The following DLG2 variants were observed in gnomAD, a reference collection of about 807,000 sequenced individuals.
DLG2 encodes discs large MAGUK scaffold protein 2.
A neutral mutation model predicts 132.5 loss-of-function variants in DLG2; 45 were observed. The ratio of observed to expected loss-of-function variants is 0.34; its 90% CI spans 0.27 to 0.44. The LOEUF (loss-of-function observed/expected upper bound fraction) is 0.44, where lower values mean the gene tolerates loss of function less well. Among genes scored for constraint, DLG2 ranks in the 20% least tolerant of loss-of-function variants. DLG2 has a pLI of 1.00. For synonymous variants in DLG2, 424 were observed against 419.6 expected, an observed-to-expected ratio of 1.01 and a Z score of -0.13; for missense variants, 1,045 against 1,196.9, an observed-to-expected ratio of 0.87 and a Z score of 1.87.
At chr11:83,885,317 C>T (rs2154079276) in intron 15 of DLG2, among the ~76,000 whole-genome samples, 1 of 152,130 alleles carries the variant, frequency 6.6e-6, no homozygotes, top group South Asian at 2.1e-4. Context: ...CCTCAGGAGC[C>T]AATGTGATCA....
intron 7 of DLG2, among the ~76,000 whole-genome samples, chr11:84,344,923 TG>T (rs1384158414): frequency 3.3e-5 from 5 of 152,102 alleles, no homozygotes; most frequent in Non-Finnish European, 5.9e-5. Flanking sequence ...GTAAAACACA[TG>T]ATATTTCTTT....
intron 7 of DLG2, among the ~76,000 whole-genome samples, chr11:84,471,428 T>A (rs2099108082): frequency 6.6e-6 from 1 of 151,868 alleles, no homozygotes; most frequent in Non-Finnish European, 1.5e-5. Context: ...TTTCTACTTA[T>A]TTGGCTGAAA....
chr11:85,089,366 T>C (rs532232754), intron 6 of DLG2, among the ~76,000 whole-genome samples: 36 of 152,316 alleles, frequency 2.4e-4, no homozygotes, highest in Middle Eastern at 6.8e-3. Flanking sequence ...CTCCCACTTA[T>C]AAGTGGGAAC....
At chr11:85,390,262 C>T (rs1434632255) in intron 3 of DLG2, among the ~76,000 whole-genome samples, 4 of 151,842 alleles carry the variant, frequency 2.6e-5, no homozygotes, top group African/African-American at 9.7e-5. Context: ...AAAGGAGAGA[C>T]ATTATATTAT....
intron 3 of DLG2, among the ~76,000 whole-genome samples, chr11:85,424,159 G>A (rs900580214): frequency 4.6e-5 from 7 of 152,118 alleles, no homozygotes; most frequent in Non-Finnish European, 7.3e-5. Flanking sequence ...GGTCAATATC[G>A]TCTCCCATAA....
chr11:85,062,868 A>G (rs905022904), intron 6 of DLG2, among the ~76,000 whole-genome samples: 18 of 151,820 alleles, frequency 1.2e-4, no homozygotes, highest in Non-Finnish European at 2.1e-4. Context: ...AATAATCAAC[A>G]TAACAGAGAA....
intron 7 of DLG2, among the ~76,000 whole-genome samples, chr11:84,474,886 T>C (rs1376161945): frequency 1.3e-5 from 2 of 152,088 alleles, no homozygotes; most frequent in South Asian, 2.1e-4. Context: ...ACCAAACACT[T>C]GCCCTTATTG....
chr11:84,162,512 TTTTG>T (rs1455617670), intron 9 of DLG2, among the ~76,000 whole-genome samples: 25 of 151,798 alleles, frequency 1.6e-4, no homozygotes, highest in Non-Finnish European at 8.8e-5. Flanking sequence ...CATTATCCTT[TTTTG>T]TTTATTATTA....
chr11:84,532,612 C>T (rs1365144252), intron 7 of DLG2, among the ~76,000 whole-genome samples: 1 of 152,092 alleles, frequency 6.6e-6, no homozygotes, highest in Non-Finnish European at 1.5e-5. Context: ...CCTCTCACCT[C>T]AGACTCCTCC....
chr11:84,872,320 T>C (rs2085595622), intron 6 of DLG2, among the ~76,000 whole-genome samples: 3 of 152,168 alleles, frequency 2.0e-5, no homozygotes, highest in African/African-American at 7.2e-5. Flanking sequence ...TAGAGGAATA[T>C]AAAACAGGCT....
chr11:84,214,323 A>G (rs1310920850), intron 8 of DLG2, among the ~76,000 whole-genome samples: 6 of 148,814 alleles, frequency 4.0e-5, no homozygotes, highest in African/African-American at 1.2e-4. Context: ...ACATGTTTAT[A>G]TATGTTTTTA....
chr11:83,500,217 ATGCATG>A (rs1468380529), intron 21 of DLG2, among the ~76,000 whole-genome samples: 1 of 152,028 alleles, frequency 6.6e-6, no homozygotes, highest in African/African-American at 2.4e-5. Context: ...TGCCTGGATT[ATGCATG>A]TGTTCAGTAT....
At chr11:84,681,258 G>C (rs1443808529) in intron 6 of DLG2, among the ~76,000 whole-genome samples, 1 of 152,096 alleles carries the variant, frequency 6.6e-6, no homozygotes, top group East Asian at 1.9e-4. Flanking sequence ...CCCTGATATG[G>C]GGGTATAAGT....
intron 9 of DLG2, among the ~76,000 whole-genome samples, chr11:84,120,862 T>C (rs533562111): frequency 3.5e-4 from 53 of 152,340 alleles, no homozygotes; most frequent in African/African-American, 1.2e-3. Context: ...TATGTATGTA[T>C]TCTTTCGAAT....
Position 83,541,804 on chromosome 11 carries a change from A to C in DLG2, c.1995T>G (p.Leu665=). The C allele has an allele frequency of 1.2e-6, 2 of 1,613,174 alleles. No individual in the cohort carries two copies. The highest frequency in any genetic ancestry group is 1.7e-6 in the Non-Finnish European group (2 of 1,179,446). The change falls in exon 20 of 28, where the codon CTT becomes CTG. Residue 665 remains leucine, a synonymous_variant. Transcript: ENST00000376104. ...GGAGAATATCTCCATATTTAAAACTAAGTCCTTGACTTGGCAGCCCACTGT... is the reference window on the plus strand; with the variant it reads ...GGAGAATATCTCCATATTTAAAACTCAGTCCTTGACTTGGCAGCCCACTGT... The part of the protein sequence containing the change: ...SKDSGLPSQG[L]SFKYGDILHV...
intron 11 of DLG2, among the ~76,000 whole-genome samples, chr11:84,010,916 G>T (rs1004203935): frequency 6.6e-6 from 1 of 151,976 alleles, no homozygotes; most frequent in African/African-American, 2.4e-5. Context: ...CTTTGCACTT[G>T]ACCAAATTAA....
intron 15 of DLG2, among the ~76,000 whole-genome samples, chr11:83,901,879 C>A (rs1288684521): frequency 6.6e-6 from 1 of 151,960 alleles, no homozygotes; most frequent in East Asian, 1.9e-4. Flanking sequence ...AAAAATAAGT[C>A]TTCATGATTT....
At chr11:84,714,599 T>TTTCTCTTTCTC (rs2060909566) in intron 6 of DLG2, among the ~76,000 whole-genome samples, 1 of 83,554 alleles carries the variant, frequency 1.2e-5, no homozygotes, top group Non-Finnish European at 2.3e-5. Flanking sequence ...TTCTCTTTCT[T>TTTCTCTTTCTC]TCTCTTTCTC....
chr11:85,555,832 G>T (rs1450713105), intron 3 of DLG2, among the ~76,000 whole-genome samples: 1 of 151,730 alleles, frequency 6.6e-6, no homozygotes, highest in Non-Finnish European at 1.5e-5. Flanking sequence ...TTTGCTCCAG[G>T]CGAGTGCCCT....
Sources: allele counts gnomAD v4.1 joint callset (sites outside exome capture counted in the v4.1 genomes callset), GRCh38; gene constraint gnomAD v4.1.1; transcripts MANE v1.5; gene names NCBI Gene and HGNC (gene_info 2026-07-23, HGNC 2026-07-21).